Variants in OR4X1 observed in about 807,000 individuals in gnomAD.
The protein encoded by OR4X1 is olfactory receptor family 4 subfamily X member 1.
For synonymous variants in OR4X1, 183 were observed against 142.6 expected (o/e 1.28, Z -2.02); for missense variants, 509 against 368.1 (o/e 1.38, Z -3.13).
In OR4X1 at chr11:48,264,172, C is replaced by A; in HGVS notation, c.312C>A (p.Phe104Leu). ...TCACACAGATGTTTTCCCTCCATTT[C>A]TTTGGTGGCACTGAGGCCTTTCTCC... The part of the protein sequence containing the change: ...GCLTQMFSLH[F>L]FGGTEAFLLM... The change falls in exon 1 of 1, where the codon TTC becomes TTA. Residue 104 changes from phenylalanine (F) to leucine (L), a missense_variant. Phe to Leu is a conservative substitution (Grantham distance 22, BLOSUM62 0). Coordinates refer to ENST00000320048, the MANE Select transcript of OR4X1 (RefSeq NM_001004726.1). The A allele has an allele frequency of 6.2e-7, 1 of 1,614,098 alleles. No homozygotes were observed. Among genetic ancestry groups the A allele is most frequent in the Non-Finnish European group, 8.5e-7 (1 of 1,179,992 alleles).
In OR4X1 at chr11:48,264,535, C is replaced by A. The variant is rs1180187481; in HGVS notation, c.675C>A (p.Ser225Arg). 4.3e-6 allele frequency: 7 copies of A among 1,614,020 alleles called. No individual in the cohort carries two copies. In the South Asian group the frequency reaches 4.4e-5, roughly 10 times the overall value. ...SYLIILHFLR[S>R]HNLEGQHKAL... ...TGATCATCCTGCACTTCCTGAGAAGCCACAACTTGGAGGGGCAGCACAAGG... is the reference window on the plus strand; with the variant it reads ...TGATCATCCTGCACTTCCTGAGAAGACACAACTTGGAGGGGCAGCACAAGG... Residue 225 changes from serine (S) to arginine (R), a missense_variant, in exon 1 of 1, where the codon AGC (serine) becomes AGA (arginine). Coordinates refer to ENST00000320048, the MANE Select transcript of OR4X1 (RefSeq NM_001004726.1).
In OR4X1 at chr11:48,264,412, G is replaced by T; in HGVS notation, c.552G>T (p.Glu184Asp). ...TCTGTGATGTCCACCCAGTGCTGGA[G>T]CTGGCCTGCGCAGACACCTTCTTCA... is the stretch of plus-strand genomic sequence containing the variant. ...HYFCDVHPVLELACADTFFIS... is the reference protein window; with the variant it reads ...HYFCDVHPVLDLACADTFFIS... Residue 184 changes from glutamate to aspartate, a missense_variant, in exon 1 of 1, where the codon GAG (glutamate) becomes GAT (aspartate). By Grantham distance (45) the Glu-to-Asp change is conservative (BLOSUM62 2). Coordinates refer to ENST00000320048, the MANE Select transcript of OR4X1 (RefSeq NM_001004726.1). The T allele has an allele frequency of 6.3e-7, 1 of 1,589,778 alleles. No homozygotes were observed. Among genetic ancestry groups the T allele is most frequent in the Non-Finnish European group, 8.5e-7 (1 of 1,169,934 alleles).
Position 48,264,155 on chromosome 11 carries a change from A to T in OR4X1, c.295A>T (p.Met99Leu), listed in dbSNP as rs779514484. The change falls in exon 1 of 1, where the codon ATG becomes TTG. Residue 99 changes from methionine to leucine, a missense_variant. Physicochemically the swap from Met to Leu is conservative, Grantham distance 15. Transcript: ENST00000320048. ...TTCTCTCAAGGGCTGCCTCACACAGATGTTTTCCCTCCATTTCTTTGGTGG... is the reference window on the plus strand; with the variant it reads ...TTCTCTCAAGGGCTGCCTCACACAGTTGTTTTCCCTCCATTTCTTTGGTGG... ...VISLKGCLTQ[M>L]FSLHFFGGTE... 1 of 1,614,068 alleles carries T rather than the reference A, an allele frequency of 6.2e-7. No homozygotes were observed. The highest frequency in any genetic ancestry group is 8.5e-7 in the Non-Finnish European group (1 of 1,180,000).
rs1425387538 is a variant in OR4X1, at chr11:48,264,357, T to A, written c.497T>A (p.Phe166Tyr). The A allele has an allele frequency of 1.2e-6, 2 of 1,613,940 alleles. No individual in the cohort carries two copies. Among genetic ancestry groups the A allele is most frequent in the East Asian group, 4.5e-5 (2 of 44,834 alleles). ...GQTFLIFQLP[F>Y]CGPNIMDHYF... ...ACCTTCCTGATTTTCCAGCTCCCGTTCTGTGGCCCCAACATCATGGACCAC... is the reference window on the plus strand; with the variant it reads ...ACCTTCCTGATTTTCCAGCTCCCGTACTGTGGCCCCAACATCATGGACCAC... The change falls in exon 1 of 1, where the codon TTC becomes TAC. Residue 166 changes from phenylalanine (F) to tyrosine (Y), a missense_variant. Physicochemically the swap from Phe to Tyr is conservative, Grantham distance 22 (BLOSUM62 3). Transcript: ENST00000320048.
Position 48,264,021 on chromosome 11 carries a change from C to T in OR4X1, c.161C>T (p.Thr54Ile). 2 of 1,614,054 alleles carry T rather than the reference C, an allele frequency of 1.2e-6. No individual in the cohort carries two copies. Among genetic ancestry groups the T allele is most frequent in the South Asian group, 1.1e-5 (1 of 91,086 alleles). Residue 54 changes from threonine to isoleucine, a missense_variant, in exon 1 of 1, where the codon ACC becomes ATC. Transcript: ENST00000320048. ...VVTILASKVL[T>I]SPMYFFLSYL... is the part of the protein sequence containing the mutation. ...ACCATCCTGGCCAGCAAAGTGCTCACCTCCCCCATGTATTTCTTTCTCAGC... is the reference window on the plus strand; with the variant it reads ...ACCATCCTGGCCAGCAAAGTGCTCATCTCCCCCATGTATTTCTTTCTCAGC...
chr11:48,264,055 C>G lies in OR4X1; in HGVS notation c.195C>G (p.Ser65=), dbSNP rs781305652. 4 of 1,613,964 alleles carry G rather than the reference C, an allele frequency of 2.5e-6. No individual in the cohort carries two copies. In the South Asian group the frequency reaches 4.4e-5, roughly 18 times the overall value. Residue 65 remains serine (S), a synonymous_variant, in exon 1 of 1, where the codon TCC becomes TCG. Transcript: ENST00000320048. The part of the protein sequence containing the change: ...SPMYFFLSYL[S]FVEICYCSVM... ...TGTATTTCTTTCTCAGCTACTTATC[C>G]TTTGTGGAGATCTGCTACTGTTCTG...
Position 48,264,762 on chromosome 11 carries a change from G to T in OR4X1, c.902G>T (p.Gly301Val). The T allele has an allele frequency of 6.2e-7, 1 of 1,606,092 alleles. No individual in the cohort carries two copies. Among genetic ancestry groups the T allele is most frequent in the African/African-American group, 1.3e-5 (1 of 74,878 alleles). Residue 301 changes from glycine (G) to valine (V), a missense_variant, in exon 1 of 1, where the codon GGG becomes GTG. Gly to Val is a moderately radical substitution (Grantham distance 109). Coordinates refer to ENST00000320048, the MANE Select transcript of OR4X1 (RefSeq NM_001004726.1). ...AAAAATGCCATGAGGAGATTTATTG[G>T]GGGAAAAGTAATTTGAGAAGAGAAG... ...EVKNAMRRFIGGKVI is the reference protein window; with the variant it reads ...EVKNAMRRFIVGKVI
Position 48,264,499 on chromosome 11 carries a change from G to A in OR4X1, c.639G>A (p.Met213Ile). Residue 213 changes from methionine to isoleucine, a missense_variant, in exon 1 of 1, where the codon ATG (methionine) becomes ATA (isoleucine). Transcript: ENST00000320048. Reference protein sequence around the residue: ...SISVVSFFVLMASYLIILHFL... With the variant: ...SISVVSFFVLIASYLIILHFL... Reference sequence around the variant, plus strand: ...CCGTAGTCAGTTTCTTCGTGCTGATGGCTTCCTACCTGATCATCCTGCACT... The same window carrying A: ...CCGTAGTCAGTTTCTTCGTGCTGATAGCTTCCTACCTGATCATCCTGCACT... 6.2e-7 allele frequency: 1 copy of A among 1,614,062 alleles called. No homozygotes were observed.
At position 48,264,577 on chromosome 11, in the gene OR4X1, C is replaced by G. The variant is rs368109483; in HGVS notation, c.717C>G (p.Ala239=). 6 of 1,614,018 alleles carry G rather than the reference C, an allele frequency of 3.7e-6. No homozygotes were observed. The Admixed American group carries it at 1.0e-4, about 27-fold the overall frequency. The stretch of plus-strand genomic sequence containing the variant: ...AGCACAAGGCCCTCTCCACCTGTGC[C>G]TCTCATGTCACAGTTGTCGACCTGT... ...EGQHKALSTC[A]SHVTVVDLFF... The change falls in exon 1 of 1, where the codon GCC becomes GCG. Residue 239 remains alanine, a synonymous_variant. Transcript: ENST00000320048.
At position 48,264,175 on chromosome 11, in the gene OR4X1, T is replaced by C. The variant is rs761812160; in HGVS notation, c.315T>C (p.Phe105=). The C allele has an allele frequency of 1.9e-6, 3 of 1,614,148 alleles. No homozygotes were observed. The highest frequency in any genetic ancestry group is 2.2e-5 in the East Asian group (1 of 44,852). ...CLTQMFSLHF[F]GGTEAFLLMV... ...CACAGATGTTTTCCCTCCATTTCTT[T>C]GGTGGCACTGAGGCCTTTCTCCTGA... The change falls in exon 1 of 1, where the codon TTT becomes TTC. Residue 105 remains phenylalanine (F), a synonymous_variant. Transcript: ENST00000320048.
At position 48,263,890 on chromosome 11, in the gene OR4X1, A is replaced by G. The variant is rs758595909; in HGVS notation, c.30A>G (p.Ile10Met). 1 of 1,613,596 alleles carries G rather than the reference A, an allele frequency of 6.2e-7. No homozygotes were observed. The highest frequency in any genetic ancestry group is 8.5e-7 in the Non-Finnish European group (1 of 1,179,602). The part of the protein sequence containing the change: MVATNNVTE[I>M]IFVGFSQNWS... ...TTGCTACAAACAATGTGACTGAAAT[A>G]ATTTTCGTGGGATTTTCCCAGAATT... The change falls in exon 1 of 1, where the codon ATA becomes ATG. Residue 10 changes from isoleucine to methionine, a missense_variant. Physicochemically the swap from Ile to Met is conservative, Grantham distance 10 (BLOSUM62 1). Coordinates refer to ENST00000320048, the MANE Select transcript of OR4X1 (RefSeq NM_001004726.1).
Position 48,264,734 on chromosome 11 carries a change from G to A in OR4X1, c.874G>A (p.Val292Met). The A allele has an allele frequency of 6.2e-7, 1 of 1,612,712 alleles. No homozygotes were observed. The highest frequency in any genetic ancestry group is 8.5e-7 in the Non-Finnish European group (1 of 1,179,176). ...GATTTACTCCTTCAGGAATGCTGAAGTGAAAAATGCCATGAGGAGATTTAT... is the reference window on the plus strand; with the variant it reads ...GATTTACTCCTTCAGGAATGCTGAAATGAAAAATGCCATGAGGAGATTTAT... Reference protein sequence around the residue: ...PVIYSFRNAEVKNAMRRFIGG... With the variant: ...PVIYSFRNAEMKNAMRRFIGG... Residue 292 changes from valine to methionine, a missense_variant, in exon 1 of 1, where the codon GTG becomes ATG. Transcript: ENST00000320048.
chr11:48,264,362 G>A lies in OR4X1; in HGVS notation c.502G>A (p.Gly168Ser), dbSNP rs1166878103. Residue 168 changes from glycine (G) to serine (S), a missense_variant, in exon 1 of 1, where the codon GGC becomes AGC. Gly to Ser is a moderately conservative substitution (Grantham distance 56, BLOSUM62 0). Coordinates refer to ENST00000320048, the MANE Select transcript of OR4X1 (RefSeq NM_001004726.1). ...TFLIFQLPFC[G>S]PNIMDHYFCD... ...CCTGATTTTCCAGCTCCCGTTCTGT[G>A]GCCCCAACATCATGGACCACTACTT... is the stretch of plus-strand genomic sequence containing the variant. 6 of 1,614,010 alleles carry A rather than the reference G, an allele frequency of 3.7e-6. No homozygotes were observed. The highest frequency in any genetic ancestry group is 3.3e-4 in the Middle Eastern group (2 of 6,056).
rs61732322 is a variant in OR4X1, at chr11:48,264,682, A to G, written c.822A>G (p.Thr274=). The change falls in exon 1 of 1, where the codon ACA becomes ACG. Residue 274 remains threonine, a synonymous_variant. Coordinates refer to ENST00000320048, the MANE Select transcript of OR4X1 (RefSeq NM_001004726.1). The part of the protein sequence containing the change: ...PADKIVAVFY[T]VVTPLLNPVI... The stretch of plus-strand genomic sequence containing the variant: ...ACAAGATAGTTGCTGTATTTTATAC[A>G]GTGGTCACACCTCTCTTAAACCCTG... 82,016 of 1,613,538 alleles carry G rather than the reference A, an allele frequency of 0.051. 2,292 individuals carry two copies. The highest frequency in any genetic ancestry group is 0.057 in the Non-Finnish European group (67,228 of 1,179,458).
chr11:48,264,510 T>G lies in OR4X1; in HGVS notation c.650T>G (p.Leu217Arg), dbSNP rs1258709270. 5.3e-5 allele frequency: 86 copies of G among 1,613,974 alleles called. No homozygotes were observed. Among genetic ancestry groups the G allele is most frequent in the Non-Finnish European group, 7.1e-5 (84 of 1,180,008 alleles). Reference protein sequence around the residue: ...VSFFVLMASYLIILHFLRSHN... With the variant: ...VSFFVLMASYRIILHFLRSHN... ...TTCTTCGTGCTGATGGCTTCCTACC[T>G]GATCATCCTGCACTTCCTGAGAAGC... The change falls in exon 1 of 1, where the codon CTG becomes CGG. Residue 217 changes from leucine (L) to arginine (R), a missense_variant. Coordinates refer to ENST00000320048, the MANE Select transcript of OR4X1 (RefSeq NM_001004726.1).
rs1565363826 is a variant in OR4X1, at chr11:48,263,977, C to A, written c.117C>A (p.Gly39=). 1.2e-6 allele frequency: 2 copies of A among 1,613,616 alleles called. No homozygotes were observed. The highest frequency in any genetic ancestry group is 1.7e-5 in the Admixed American group (1 of 59,998). ...FLLMYTAVVL[G]NGLIVVTILA... ...TCATGTACACAGCTGTTGTGCTGGG[C>A]AATGGCCTCATTGTGGTGACCATCC... The change falls in exon 1 of 1, where the codon GGC becomes GGA. Residue 39 remains glycine (G), a synonymous_variant. Coordinates refer to ENST00000320048, the MANE Select transcript of OR4X1 (RefSeq NM_001004726.1).
Position 48,263,902 on chromosome 11 carries a change from A to T in OR4X1, c.42A>T (p.Gly14=). ...TNNVTEIIFV[G]FSQNWSEQRV... Reference sequence around the variant, plus strand: ...ATGTGACTGAAATAATTTTCGTGGGATTTTCCCAGAATTGGAGTGAGCAGA... The same window carrying T: ...ATGTGACTGAAATAATTTTCGTGGGTTTTTCCCAGAATTGGAGTGAGCAGA... The change falls in exon 1 of 1, where the codon GGA becomes GGT. Residue 14 remains glycine (G), a synonymous_variant. Coordinates refer to ENST00000320048, the MANE Select transcript of OR4X1 (RefSeq NM_001004726.1). The T allele has an allele frequency of 6.2e-7, 1 of 1,613,660 alleles. No individual in the cohort carries two copies. The highest frequency in any genetic ancestry group is 1.3e-5 in the African/African-American group (1 of 74,964).
chr11:48,264,743 G>T lies in OR4X1; in HGVS notation c.883G>T (p.Ala295Ser). 6.2e-7 allele frequency: 1 copy of T among 1,611,856 alleles called. No individual in the cohort carries two copies. The highest frequency in any genetic ancestry group is 8.5e-7 in the Non-Finnish European group (1 of 1,178,460). ...YSFRNAEVKN[A>S]MRRFIGGKVI ...CTTCAGGAATGCTGAAGTGAAAAATGCCATGAGGAGATTTATTGGGGGAAA... is the reference window on the plus strand; with the variant it reads ...CTTCAGGAATGCTGAAGTGAAAAATTCCATGAGGAGATTTATTGGGGGAAA... The change falls in exon 1 of 1, where the codon GCC (alanine) becomes TCC (serine). Residue 295 changes from alanine to serine, a missense_variant. Coordinates refer to ENST00000320048, the MANE Select transcript of OR4X1 (RefSeq NM_001004726.1).
Position 48,264,381 on chromosome 11 carries a change from A to C in OR4X1, c.521A>C (p.His174Pro). The C allele has an allele frequency of 6.2e-7, 1 of 1,613,996 alleles. No individual in the cohort carries two copies. The highest frequency in any genetic ancestry group is 8.5e-7 in the Non-Finnish European group (1 of 1,179,984). The change falls in exon 1 of 1, where the codon CAC becomes CCC. Residue 174 changes from histidine (H) to proline (P), a missense_variant. Transcript: ENST00000320048. ...TTCTGTGGCCCCAACATCATGGACC[A>C]CTACTTCTGTGATGTCCACCCAGTG... ...LPFCGPNIMD[H>P]YFCDVHPVLE...
Sources: gnomAD v4.1 joint callset for allele counts on GRCh38, gnomAD v4.1.1 for gene constraint, MANE v1.5 for transcripts, NCBI Gene and HGNC (gene_info 2026-07-23, HGNC 2026-07-21) for gene names.